Variants in NKAIN3 observed in about 807,000 individuals in gnomAD.
The protein encoded by NKAIN3 is sodium/potassium transporting ATPase interacting 3.
Under a neutral mutation model 30.2 loss-of-function variants are expected in NKAIN3, and 25 were observed. The ratio of observed to expected loss-of-function variants is 0.83; its 90% CI spans 0.60 to 1.16. NKAIN3 has a LOEUF of 1.16. Ranked by LOEUF, NKAIN3 falls within the 50% of genes most tolerant of loss-of-function variation. NKAIN3 has a pLI of 0.00. For missense variants in NKAIN3, 225 were observed against 254.1 expected (o/e 0.89, Z 0.78); for synonymous variants, 91 against 89.6 (o/e 1.02, Z -0.09).
At chr8:62,787,243 A>G (rs1052748935) in intron 4 of NKAIN3, among the ~76,000 whole-genome samples, 1 of 152,164 alleles carries the variant, frequency 6.6e-6, no homozygotes, top group African/African-American at 2.4e-5. Flanking sequence ...CAAGTAAACA[A>G]ATATTAAAAA....
intron 3 of NKAIN3, among the ~76,000 whole-genome samples, chr8:62,729,036 A>AAC (rs1563534926): frequency 4.8e-5 from 5 of 104,906 alleles, no homozygotes; most frequent in African/African-American, 2.2e-4. Flanking sequence ...AAAAAAAAAA[A>AAC]AAACAAAAAA....
chr8:62,695,790 G>A (rs58717549), intron 3 of NKAIN3, among the ~76,000 whole-genome samples: 13 of 152,040 alleles, frequency 8.6e-5, no homozygotes, highest in African/African-American at 2.4e-4. Flanking sequence ...CAGAATTGTC[G>A]ACTGCGTGAC....
chr8:62,908,177 A>G (rs1300929248), intron 4 of NKAIN3, among the ~76,000 whole-genome samples: 4 of 152,108 alleles, frequency 2.6e-5, no homozygotes, highest in Admixed American at 2.0e-4. Flanking sequence ...TGGATTTTGG[A>G]CTTCCAAGGG....
At chr8:62,403,472 C>T (rs1803955527) in intron 1 of NKAIN3, among the ~76,000 whole-genome samples, 2 of 152,156 alleles carry the variant, frequency 1.3e-5, no homozygotes, top group South Asian at 4.1e-4. Context: ...CAGGGCTCCC[C>T]TGCTGTTTAA....
intron 1 of NKAIN3, among the ~76,000 whole-genome samples, chr8:62,505,342 G>A (rs1383309642): frequency 6.6e-6 from 1 of 152,110 alleles, no homozygotes; most frequent in Non-Finnish European, 1.5e-5. Context: ...ATGGGAAAAT[G>A]TTATATACTT....
intron 5 of NKAIN3, among the ~76,000 whole-genome samples, chr8:62,949,417 A>G (rs547620773): frequency 7.9e-5 from 12 of 152,314 alleles, no homozygotes; most frequent in African/African-American, 2.6e-4. Flanking sequence ...TATAAATCTA[A>G]AGTAGCTCTG....
intron 1 of NKAIN3, among the ~76,000 whole-genome samples, chr8:62,533,179 A>G (rs1162283094): frequency 1.3e-5 from 2 of 152,212 alleles, no homozygotes; most frequent in Non-Finnish European, 2.9e-5. Flanking sequence ...AGGAAACTGT[A>G]AGTTACAGTT....
chr8:62,741,408 A>T (rs1167055747), intron 3 of NKAIN3, among the ~76,000 whole-genome samples: 1 of 139,232 alleles, frequency 7.2e-6, no homozygotes, highest in African/African-American at 3.2e-5. Flanking sequence ...GGAAGGAAGG[A>T]AGGAAGGAAG....
chr8:62,688,707 A>G (rs1233311114), intron 3 of NKAIN3, among the ~76,000 whole-genome samples: 2 of 150,700 alleles, frequency 1.3e-5, no homozygotes, highest in East Asian at 2.0e-4. Flanking sequence ...TCTATTTTCA[A>G]TCTCACACAT....
chr8:62,953,264 C>G (rs943566800), intron 5 of NKAIN3, among the ~76,000 whole-genome samples: 1 of 151,996 alleles, frequency 6.6e-6, no homozygotes, highest in Non-Finnish European at 1.5e-5. Context: ...GACTATGAAA[C>G]AGGAGAAACA....
chr8:62,828,870 C>A (rs564420921), intron 4 of NKAIN3, among the ~76,000 whole-genome samples: 1 of 152,210 alleles, frequency 6.6e-6, no homozygotes, highest in African/African-American at 2.4e-5. Context: ...CAGCTAGGAC[C>A]AACTTGCCAG....
At chr8:62,498,562 C>G (rs1022246487) in intron 1 of NKAIN3, among the ~76,000 whole-genome samples, 1 of 151,914 alleles carries the variant, frequency 6.6e-6, no homozygotes, top group Admixed American at 6.6e-5. Context: ...TTGGCTAAAG[C>G]AAATTGCTTT....
chr8:62,484,197 G>A (rs35622860), intron 1 of NKAIN3, among the ~76,000 whole-genome samples: 1 of 151,972 alleles, frequency 6.6e-6, no homozygotes, highest in Non-Finnish European at 1.5e-5. Flanking sequence ...CTCATCTCTT[G>A]TCACCTCTCA....
chr8:62,555,674 G>A (rs535808707), intron 1 of NKAIN3, among the ~76,000 whole-genome samples: 1 of 152,124 alleles, frequency 6.6e-6, no homozygotes, highest in Non-Finnish European at 1.5e-5. Flanking sequence ...AAGAGGAAAT[G>A]GCTGTGAATT....
intron 1 of NKAIN3, among the ~76,000 whole-genome samples, chr8:62,442,111 A>G (rs1302518007): frequency 1.3e-5 from 2 of 152,022 alleles, no homozygotes; most frequent in Non-Finnish European, 2.9e-5. Context: ...TAATTTAATT[A>G]ATCTGGATTT....
chr8:62,282,450 T>A (rs1329771146), intron 1 of NKAIN3, among the ~76,000 whole-genome samples: 1 of 152,164 alleles, frequency 6.6e-6, no homozygotes, highest in Non-Finnish European at 1.5e-5. Flanking sequence ...GAGCTTCTTG[T>A]CTCAATTCAG....
intron 4 of NKAIN3, among the ~76,000 whole-genome samples, chr8:62,748,828 T>C (rs1310798110): frequency 1.3e-5 from 2 of 152,178 alleles, no homozygotes; most frequent in East Asian, 3.9e-4. Context: ...TCTAGGTTTC[T>C]ACAATCATAT....
intron 1 of NKAIN3, among the ~76,000 whole-genome samples, chr8:62,261,490 C>T (rs1229464955): frequency 6.6e-6 from 1 of 152,118 alleles, no homozygotes; most frequent in Non-Finnish European, 1.5e-5. Flanking sequence ...TGATTAGTTC[C>T]CATGAGGAAA....
chr8:62,420,093 C>G (rs140886331), intron 1 of NKAIN3, among the ~76,000 whole-genome samples: 144 of 152,274 alleles, frequency 9.5e-4, no homozygotes, highest in African/African-American at 3.3e-3. Context: ...CAACTTTTAG[C>G]TAGCACCAAC....
Sources: gnomAD v4.1 joint callset for allele counts (sites outside exome capture counted in the v4.1 genomes callset) on GRCh38, gnomAD v4.1.1 for gene constraint, MANE v1.5 for transcripts, NCBI Gene and HGNC (gene_info 2026-07-23, HGNC 2026-07-21) for gene names.